The following HS3ST5 variants were observed in gnomAD, a reference collection of about 807,000 sequenced individuals.
HS3ST5 encodes the protein heparan sulfate glucosamine 3-O-sulfotransferase 5.
Under a neutral mutation model 25.4 loss-of-function variants are expected in HS3ST5, and 10 were observed. That is an observed-to-expected ratio of 0.39 (90% CI 0.24 to 0.67). HS3ST5 has a LOEUF of 0.67. HS3ST5 is among the 30% of genes least tolerant of loss of function. The pLI is 0.44. For missense variants in HS3ST5, 324 were observed against 420.7 expected, an observed-to-expected ratio of 0.77 and a Z score of 2.01; for synonymous variants, 170 against 162.4, an observed-to-expected ratio of 1.05 and a Z score of -0.36.
In HS3ST5 at chr6:114,084,540, A is replaced by C; in HGVS notation, c.-32-21663T>G. 3.9e-6 allele frequency: 3 copies of C among 759,636 alleles called. No homozygotes were observed. In the South Asian group the frequency reaches 4.0e-5, roughly 10 times the overall value. The allele number at this position is 759,636 out of a possible 1,614,324, so 47.1% of individuals were successfully genotyped here. On this transcript the variant is annotated intron_variant, in intron 3 of 4. Coordinates refer to ENST00000312719, the MANE Select transcript of HS3ST5 (RefSeq NM_153612.4). ...CCCGAGCCGGCGTCCACCGCATCACACCCGCTGAGTGAGCTCCCTCGTTGT... is the reference window on the plus strand; with the variant it reads ...CCCGAGCCGGCGTCCACCGCATCACCCCCGCTGAGTGAGCTCCCTCGTTGT...
chr6:114,084,767 C>T (rs1438646282), intron 3 of HS3ST5: 1 of 762,258 alleles, frequency 1.3e-6, no homozygotes, highest in Non-Finnish European at 2.4e-6. Context: ...TGGAGTGGCT[C>T]CAGTGGCAGC....
intron 2 of HS3ST5, among the ~76,000 whole-genome samples, chr6:114,200,866 C>T (rs1411788761): frequency 2.0e-5 from 3 of 152,238 alleles, no homozygotes; most frequent in South Asian, 2.1e-4. Flanking sequence ...CCTCAGAGAA[C>T]GCACAAAAAA....
intron 1 of HS3ST5, among the ~76,000 whole-genome samples, chr6:114,301,774 C>G (rs1775084300): frequency 6.6e-6 from 1 of 152,068 alleles, no homozygotes; most frequent in Non-Finnish European, 1.5e-5. Context: ...ATGGGGTTCT[C>G]TTCAGAATGG....
intron 3 of HS3ST5, among the ~76,000 whole-genome samples, chr6:114,130,094 T>A (rs1777254131): frequency 6.6e-6 from 1 of 152,216 alleles, no homozygotes; most frequent in Non-Finnish European, 1.5e-5. Context: ...AAGCCACATC[T>A]ATTGGTTCTG....
At chr6:114,207,768 T>G (rs1465815276) in intron 2 of HS3ST5, among the ~76,000 whole-genome samples, 1 of 152,194 alleles carries the variant, frequency 6.6e-6, no homozygotes, top group Non-Finnish European at 1.5e-5. Context: ...TGTATTATAT[T>G]GTACTATCTA....
intron 3 of HS3ST5, among the ~76,000 whole-genome samples, chr6:114,108,359 C>T (rs1001965829): frequency 1.3e-5 from 2 of 152,148 alleles, no homozygotes; most frequent in African/African-American, 2.4e-5. Context: ...GGCTGCAGCA[C>T]TGGTGTAAGT....
chr6:114,111,537 G>A (rs2114849294), intron 3 of HS3ST5, among the ~76,000 whole-genome samples: 1 of 152,214 alleles, frequency 6.6e-6, no homozygotes, highest in African/African-American at 2.4e-5. Context: ...CTCCCTGGGT[G>A]ACAGAACTCC....
chr6:114,283,076 A>G (rs1352571328), intron 1 of HS3ST5, among the ~76,000 whole-genome samples: 1 of 151,960 alleles, frequency 6.6e-6, no homozygotes, highest in Non-Finnish European at 1.5e-5. Context: ...ACAGGGAGAG[A>G]AAGACAGTAG....
rs1217989579 is a variant in HS3ST5 at position 114,342,549 on chromosome 6, G to T, written c.-693C>A. On this transcript the variant is annotated 5_prime_UTR_variant, in exon 1 of 5. Transcript: ENST00000312719. ...TCCCCGAGAGGCTGGAACCAGGTGC[G>T]GCAGGGCGCGCTCCCGTGGCGCGGG... 6.5e-6 allele frequency: 1 copy of T among 154,576 alleles called. No homozygotes were observed. The highest frequency in any genetic ancestry group is 1.4e-5 in the Non-Finnish European group (1 of 69,302). The allele number at this position is 154,576 out of a possible 1,614,324, so 9.6% of individuals were successfully genotyped here.
intron 2 of HS3ST5, chr6:114,178,884 A>G (rs1314993640): frequency 6.6e-6 from 1 of 151,222 alleles, no homozygotes; most frequent in Non-Finnish European, 1.5e-5. Flanking sequence ...AAAAAAAAAA[A>G]GAAGGGTGAC....
intron 2 of HS3ST5, among the ~76,000 whole-genome samples, chr6:114,186,533 G>A (rs1023143557): frequency 2.6e-5 from 4 of 152,136 alleles, no homozygotes; most frequent in Non-Finnish European, 5.9e-5. Flanking sequence ...TGCAGGAGAG[G>A]AGTTTAAAGC....
intron 3 of HS3ST5, among the ~76,000 whole-genome samples, chr6:114,114,075 G>A (rs1001952220): frequency 6.6e-6 from 1 of 152,132 alleles, no homozygotes; most frequent in Non-Finnish European, 1.5e-5. Context: ...ACAATGACAA[G>A]TTGTGGGCTT....
chr6:114,232,675 A>G (rs780880712), intron 1 of HS3ST5, among the ~76,000 whole-genome samples: 1 of 152,216 alleles, frequency 6.6e-6, no homozygotes, highest in African/African-American at 2.4e-5. Context: ...CCAAGTCTTC[A>G]ACCCTTTAAA....
intron 3 of HS3ST5, among the ~76,000 whole-genome samples, chr6:114,079,193 C>T (rs1774315014): frequency 6.6e-6 from 1 of 152,058 alleles, no homozygotes; most frequent in African/African-American, 2.4e-5. Context: ...CAGTGATTTG[C>T]CACATTGATT....
intron 1 of HS3ST5, among the ~76,000 whole-genome samples, chr6:114,322,321 CTTAACCTTAGTTTTA>C (rs1776001383): frequency 6.6e-6 from 1 of 152,104 alleles, no homozygotes; most frequent in African/African-American, 2.4e-5. Flanking sequence ...TTCAAAGTAG[CTTAACCTTAGTTTTA>C]AGACCATACT....
chr6:114,210,034 G>A (rs189456456), intron 2 of HS3ST5, among the ~76,000 whole-genome samples: 85 of 152,094 alleles, frequency 5.6e-4, no homozygotes, highest in Non-Finnish European at 2.6e-4. Flanking sequence ...TTCTGTCAAA[G>A]GCCAAAGTAA....
chr6:114,204,664 C>T (rs150306263), intron 2 of HS3ST5, among the ~76,000 whole-genome samples: 126 of 152,128 alleles, frequency 8.3e-4, no homozygotes, highest in Non-Finnish European at 1.5e-3. Flanking sequence ...AAAACACACA[C>T]TTTATTTTTA....
intron 3 of HS3ST5, among the ~76,000 whole-genome samples, chr6:114,095,443 A>G (rs1472867201): frequency 6.6e-6 from 1 of 152,184 alleles, no homozygotes; most frequent in African/African-American, 2.4e-5. Context: ...TGGCTACAAG[A>G]TGCTCACATG....
At chr6:114,202,440 C>T (rs1474836959) in intron 2 of HS3ST5, among the ~76,000 whole-genome samples, 2 of 152,138 alleles carry the variant, frequency 1.3e-5, no homozygotes, top group Non-Finnish European at 2.9e-5. Flanking sequence ...ACCATGAAGG[C>T]AGGAATCTTT....
Sources: gnomAD v4.1 joint callset for allele counts (sites outside exome capture counted in the v4.1 genomes callset) on GRCh38, gnomAD v4.1.1 for gene constraint, MANE v1.5 for transcripts, NCBI Gene and HGNC (gene_info 2026-07-23, HGNC 2026-07-21) for gene names.